The following OLA1 variants were observed in gnomAD, a reference collection of about 807,000 sequenced individuals.
The protein encoded by OLA1 is obg-like ATPase 1.
OLA1 carries 14 observed loss-of-function variants against 48.4 expected under a neutral mutation model. That is an observed-to-expected ratio of 0.29 (90% CI 0.19 to 0.45). OLA1 has a LOEUF of 0.45. Ranked by LOEUF, OLA1 falls within the 20% of genes least tolerant of loss-of-function variation. OLA1 has a pLI of 1.00. For synonymous variants in OLA1, 127 were observed against 150.4 expected, an observed-to-expected ratio of 0.84 and a Z score of 1.14; for missense variants, 325 against 467.1, an observed-to-expected ratio of 0.70 and a Z score of 2.80.
intron 4 of OLA1, among the ~76,000 whole-genome samples, chr2:174,214,352 C>T (rs945174589): frequency 2.0e-5 from 3 of 151,984 alleles, no homozygotes; most frequent in Non-Finnish European, 4.4e-5. Flanking sequence ...AATAAATAAA[C>T]AGTACTAACT....
intron 7 of OLA1, among the ~76,000 whole-genome samples, chr2:174,120,304 T>C (rs1445603472): frequency 1.3e-5 from 2 of 152,076 alleles, no homozygotes; most frequent in Non-Finnish European, 2.9e-5. Flanking sequence ...CAAATGAAAA[T>C]TAATACCGTC....
At chr2:174,237,482 G>T (rs2105462605) in intron 2 of OLA1, among the ~76,000 whole-genome samples, 2 of 152,264 alleles carry the variant, frequency 1.3e-5, no homozygotes, top group South Asian at 4.1e-4. Flanking sequence ...GGGCATGGAG[G>T]CTAATGCCTG....
chr2:174,161,847 A>G (rs763126645), intron 4 of OLA1, among the ~76,000 whole-genome samples: 1 of 152,170 alleles, frequency 6.6e-6, no homozygotes, highest in Non-Finnish European at 1.5e-5. Context: ...AATTTCTAGC[A>G]ATGAAACTGA....
chr2:174,124,692 A>G (rs554885192), intron 5 of OLA1, among the ~76,000 whole-genome samples: 7 of 152,338 alleles, frequency 4.6e-5, no homozygotes, highest in Non-Finnish European at 8.8e-5. Flanking sequence ...TGTTTTAAAT[A>G]TGCATTTCTC....
At chr2:174,228,944 T>C (rs997957374) in intron 3 of OLA1, among the ~76,000 whole-genome samples, 1 of 152,172 alleles carries the variant, frequency 6.6e-6, no homozygotes, top group Non-Finnish European at 1.5e-5. Flanking sequence ...GTGGCGTAAC[T>C]TGGCTCACTG....
chr2:174,142,147 C>A, intron 4 of OLA1, 147 bp from the exon 5 acceptor site: 1 of 688,506 alleles, frequency 1.5e-6, no homozygotes, highest in Non-Finnish European at 2.4e-6. Flanking sequence ...AGCATTTTTC[C>A]CCCATTTAGT....
chr2:174,147,193 G>A (rs1233119857), intron 4 of OLA1, among the ~76,000 whole-genome samples: 4 of 152,090 alleles, frequency 2.6e-5, no homozygotes, highest in African/African-American at 9.7e-5. Context: ...TTGGGAGGCC[G>A]AGGTGGGCGG....
intron 5 of OLA1, among the ~76,000 whole-genome samples, chr2:174,137,824 G>A (rs1168022111): frequency 1.3e-5 from 2 of 152,130 alleles, no homozygotes; most frequent in Admixed American, 6.6e-5. Flanking sequence ...TTCGCTTAAG[G>A]GAATATTGTG....
chr2:174,100,950 G>A (rs1033086184), intron 7 of OLA1, among the ~76,000 whole-genome samples: 2 of 152,090 alleles, frequency 1.3e-5, no homozygotes, highest in African/African-American at 2.4e-5. Flanking sequence ...GCTGTTTCCA[G>A]TTTTGAACTA....
chr2:174,163,734 AT>A (rs1687078042), intron 4 of OLA1, among the ~76,000 whole-genome samples: 1 of 19,250 alleles, frequency 5.2e-5, no homozygotes, highest in Non-Finnish European at 1.3e-4. Context: ...ATATATATAT[AT>A]ATATATATAT....
chr2:174,144,930 TAAAAAAAAAAA>T (rs71021671), intron 4 of OLA1, among the ~76,000 whole-genome samples: 24 of 41,112 alleles, frequency 5.8e-4, no homozygotes, highest in East Asian at 2.8e-3. Context: ...AGACCCTGTT[TAAAAAAAAAAA>T]AAAAAAAAAA....
At chr2:174,105,257 T>C (rs1382439151) in intron 7 of OLA1, among the ~76,000 whole-genome samples, 1 of 151,950 alleles carries the variant, frequency 6.6e-6, no homozygotes, top group African/African-American at 2.4e-5. Flanking sequence ...AATGAGTAGT[T>C]CCTACAATTT....
At chr2:174,246,588 T>G in intron 2 of OLA1, 127 bp downstream of exon 2, 1 of 667,730 alleles carries the variant, frequency 1.5e-6, no homozygotes, top group Non-Finnish European at 2.7e-6. Flanking sequence ...TTTTGCAATA[T>G]TAATAGTCCA....
chr2:174,242,108 C>A (rs1462943483), intron 2 of OLA1, among the ~76,000 whole-genome samples: 2 of 152,158 alleles, frequency 1.3e-5, no homozygotes, highest in Non-Finnish European at 2.9e-5. Context: ...GCCCCCTGAC[C>A]CTTCGGATAA....
At chr2:174,164,020 AC>A (rs1297678846) in intron 4 of OLA1, among the ~76,000 whole-genome samples, 1 of 151,110 alleles carries the variant, frequency 6.6e-6, no homozygotes, top group East Asian at 2.0e-4. Context: ...GGGAGTGGTT[AC>A]CCCCATTCTG....
At chr2:174,142,283 A>G (rs1686472601) in intron 4 of OLA1, among the ~76,000 whole-genome samples, 1 of 152,174 alleles carries the variant, frequency 6.6e-6, no homozygotes, top group African/African-American at 2.4e-5. Context: ...TGGCATTTCC[A>G]AGTTTGGTAA....
chr2:174,237,665 G>T (rs1204649346), intron 2 of OLA1, among the ~76,000 whole-genome samples: 2 of 152,098 alleles, frequency 1.3e-5, no homozygotes, highest in East Asian at 3.8e-4. Flanking sequence ...GAGGCAGGAG[G>T]ATTGCTTGAG....
At chr2:174,078,042 C>T (rs563188515) in intron 10 of OLA1, among the ~76,000 whole-genome samples, 105 of 152,022 alleles carry the variant, frequency 6.9e-4, no homozygotes, top group African/African-American at 2.5e-3. Context: ...AACATTGAAC[C>T]AATTATACCA....
chr2:174,134,712 T>C (rs892512897), intron 5 of OLA1, among the ~76,000 whole-genome samples: 1 of 152,230 alleles, frequency 6.6e-6, no homozygotes, highest in African/African-American at 2.4e-5. Context: ...GGGGTAATGG[T>C]TGTACAATAT....
Sources: gnomAD v4.1 joint callset for allele counts (sites outside exome capture counted in the v4.1 genomes callset) on GRCh38, gnomAD v4.1.1 for gene constraint, MANE v1.5 for transcripts, NCBI Gene and HGNC (gene_info 2026-07-23, HGNC 2026-07-21) for gene names.